Variants in HERC1 observed in about 807,000 individuals in gnomAD.
HERC1 encodes probable E3 ubiquitin-protein ligase HERC1.
HERC1 carries 160 observed loss-of-function variants against 554.3 expected under a neutral mutation model. The observed-to-expected ratio is 0.29, with a 90% CI of 0.25 to 0.33. The LOEUF (loss-of-function observed/expected upper bound fraction) is 0.33. HERC1 is among the 10% of genes least tolerant of loss of function. The pLI, the probability that HERC1 is intolerant of heterozygous loss-of-function variation, is 1.00. For missense variants in HERC1, 4,919 were observed against 5,918.5 expected, an observed-to-expected ratio of 0.83 and a Z score of 5.54; for synonymous variants, 2,175 against 2,131.7, an observed-to-expected ratio of 1.02 and a Z score of -0.56.
intron 1 of HERC1, among the ~76,000 whole-genome samples, chr15:63,816,326 C>A (rs1036842676): frequency 6.6e-6 from 1 of 152,146 alleles, no homozygotes; most frequent in African/African-American, 2.4e-5. Flanking sequence ...TGTCAAGGAG[C>A]CACATTGGGA....
In HERC1 at chr15:63,775,678, A is replaced by G; in HGVS notation, c.-26-29T>C. 1 of 1,340,332 alleles carries G rather than the reference A, an allele frequency of 7.5e-7. No individual in the cohort carries two copies. The highest frequency in any genetic ancestry group is 1.4e-5 in the South Asian group (1 of 71,596). The allele number at this position is 1,340,332 out of a possible 1,614,324, so 83.0% of individuals were successfully genotyped here. ...CAAAGGGAGAAGAGAAAACAGTCAA[A>G]AACATACAGAGGACTCATAAAATGT... On this transcript the variant is annotated intron_variant, in intron 1 of 77. Coordinates refer to ENST00000443617, the MANE Select transcript of HERC1 (RefSeq NM_003922.4). This position sits in a 1 kb window ranked among gnomAD's most constrained non-coding sequence, Gnocchi z 4.0.
Position 63,656,294 on chromosome 15 carries a change from C to T in HERC1, c.9664G>A (p.Val3222Ile). The change falls in exon 49 of 78, where the codon GTT becomes ATT. Residue 3222 changes from valine to isoleucine, a missense_variant. By Grantham distance (29) the Val-to-Ile change is conservative (BLOSUM62 3). Around this residue, in one of 11 missense-constraint regions of HERC1, gnomAD observed 1,963 missense variants for 2,228.6 expected, o/e 0.88. Coordinates refer to ENST00000443617, the MANE Select transcript of HERC1 (RefSeq NM_003922.4). ...GCTGCTGCCAAGCACATTAATCGAA[C>T]TAGCGTTCGGATATCTGTTAGCCCC... Reference protein sequence around the residue: ...SLGLTDIRTLVRLMCLAAAGR... With the variant: ...SLGLTDIRTLIRLMCLAAAGR... 1 of 1,613,986 alleles carries T rather than the reference C, an allele frequency of 6.2e-7. No homozygotes were observed.
chr15:63,693,825 G>C (rs2153049216), intron 30 of HERC1, 139 bp downstream of exon 30: 1 of 879,354 alleles, frequency 1.1e-6, no homozygotes, highest in Non-Finnish European at 1.7e-6. Context: ...TACGTGAAGA[G>C]AAAAGAGGTT....
intron 24 of HERC1, among the ~76,000 whole-genome samples, chr15:63,709,505 G>C (rs900139490): frequency 1.3e-5 from 2 of 152,070 alleles, no homozygotes; most frequent in African/African-American, 2.4e-5. Flanking sequence ...ACACAGTTGA[G>C]GCAAGTACAA....
At chr15:63,678,963 A>C (rs1416963529) in intron 36 of HERC1, among the ~76,000 whole-genome samples, 1 of 152,258 alleles carries the variant, frequency 6.6e-6, no homozygotes, top group Non-Finnish European at 1.5e-5. Context: ...ATTAAATGAG[A>C]TTATGCACAT....
Position 63,655,883 on chromosome 15 carries a change from T to C in HERC1, c.9943A>G (p.Ser3315Gly), listed in dbSNP as rs1167133712. 7 of 1,612,260 alleles carry C rather than the reference T, an allele frequency of 4.3e-6. No individual in the cohort carries two copies. Among genetic ancestry groups the C allele is most frequent in the Non-Finnish European group, 5.9e-6 (7 of 1,179,268 alleles). The change falls in exon 50 of 78, where the codon AGC becomes GGC. Residue 3315 changes from serine to glycine, a missense_variant. By Grantham distance (56) the Ser-to-Gly change is moderately conservative (BLOSUM62 0). Coordinates refer to ENST00000443617, the MANE Select transcript of HERC1 (RefSeq NM_003922.4). ...DDSIQRKFLP[S>G]FLRGIAEENK... ...TCTTCAGCAATTCCTCGGAGAAAGC[T>C]GGGTAGAAACTTTCGCTGAATTGAG...
intron 1 of HERC1, among the ~76,000 whole-genome samples, chr15:63,821,350 G>A (rs1211431533): frequency 2.0e-5 from 3 of 151,664 alleles, no homozygotes; most frequent in African/African-American, 7.3e-5. Context: ...GTCAGGAGAT[G>A]GAGACCATCC....
Position 63,635,877 on chromosome 15 carries a change from T to C in HERC1, c.12414+84A>G, listed in dbSNP as rs1206879159. 4 of 1,360,952 alleles carry C rather than the reference T, an allele frequency of 2.9e-6. No individual in the cohort carries two copies. In the Admixed American group the frequency reaches 8.0e-5, roughly 27 times the overall value. The allele number at this position is 1,360,952 out of a possible 1,614,324, so 84.3% of individuals were successfully genotyped here. Reference sequence around the variant, plus strand: ...TACTGTGTAATATATTTTTACTATATTTTCTGTTACCTAATTTTAAGAAAC... The same window carrying C: ...TACTGTGTAATATATTTTTACTATACTTTCTGTTACCTAATTTTAAGAAAC... On this transcript the variant is annotated intron_variant, in intron 65 of 77. Transcript: ENST00000443617.
rs912145502 is a variant in HERC1, at chr15:63,718,238, A to G, written c.3978+336T>C. On this transcript the variant is annotated intron_variant, in intron 21 of 77. Transcript: ENST00000443617. The surrounding 1 kb of genome is among the most constrained non-coding windows in gnomAD (Gnocchi z 4.2). Reference sequence around the variant, plus strand: ...CAAGGTATTGCTTAATGTCCCTCATAAATTATGGCACCCCAAATTAAACAG... The same window carrying G: ...CAAGGTATTGCTTAATGTCCCTCATGAATTATGGCACCCCAAATTAAACAG... 6.6e-6 allele frequency among the ~76,000 whole-genome samples: 1 copy of G among 152,128 alleles called. No homozygotes were observed. Among genetic ancestry groups the G allele is most frequent in the Non-Finnish European group, 1.5e-5 (1 of 68,020 alleles).
At chr15:63,663,913 G>A (rs2070482998) in intron 43 of HERC1, among the ~76,000 whole-genome samples, 1 of 152,212 alleles carries the variant, frequency 6.6e-6, no homozygotes, top group African/African-American at 2.4e-5. Flanking sequence ...GTATTTCAGT[G>A]ATCAAATTCT....
At chr15:63,664,431 G>C (rs772253180) in intron 43 of HERC1, 39 bp downstream of exon 43, 1 of 1,575,808 alleles carries the variant, frequency 6.3e-7, no homozygotes, top group Non-Finnish European at 8.7e-7. Flanking sequence ...TTCAAAATAA[G>C]ATCTTTCACA....
At chr15:63,800,479 G>A (rs1415199120) in intron 1 of HERC1, among the ~76,000 whole-genome samples, 1 of 152,092 alleles carries the variant, frequency 6.6e-6, no homozygotes, top group Admixed American at 6.5e-5. Context: ...TTAATGTTTA[G>A]TCACAAGATA....
Position 63,654,318 on chromosome 15 carries a change from A to G in HERC1, c.10091T>C (p.Leu3364Pro). 6.2e-7 allele frequency: 1 copy of G among 1,612,580 alleles called. No individual in the cohort carries two copies. Among genetic ancestry groups the G allele is most frequent in the Non-Finnish European group, 8.5e-7 (1 of 1,179,018 alleles). The part of the protein sequence containing the change: ...DKSEVEKKGP[L>P]ELANALAACC... ...GGCTGCCAGGGCATTAGCCAACTCC[A>G]GAGGGCCTACAGCAGAAGGATCATA... Residue 3364 changes from leucine to proline, a missense_variant, in exon 51 of 78, where the codon CTG (leucine) becomes CCG (proline). Around this residue, in one of 11 missense-constraint regions of HERC1, gnomAD observed 1,963 missense variants for 2,228.6 expected, o/e 0.88. Coordinates refer to ENST00000443617, the MANE Select transcript of HERC1 (RefSeq NM_003922.4).
At chr15:63,637,376 G>T in intron 64 of HERC1, 129 bp downstream of exon 64, 1 of 754,856 alleles carries the variant, frequency 1.3e-6, no homozygotes, top group Non-Finnish European at 2.1e-6. Flanking sequence ...GCCTAAATAA[G>T]GATTTAAATG....
chr15:63,679,975 T>G, intron 36 of HERC1, 102 bp downstream of exon 36: 1 of 763,038 alleles, frequency 1.3e-6, no homozygotes, highest in South Asian at 2.2e-5. Context: ...AGTCAAGTAC[T>G]TTTAATGGCA....
chr15:63,647,858 C>T (rs1429692981), intron 55 of HERC1, among the ~76,000 whole-genome samples: 1 of 152,116 alleles, frequency 6.6e-6, no homozygotes, highest in Non-Finnish European at 1.5e-5. Context: ...CGTGTACACA[C>T]GGGCCTAGAG....
Position 63,614,627 on chromosome 15 carries a change from C to A in HERC1, c.14094+1141G>T, listed in dbSNP as rs1230707770. On this transcript the variant is annotated intron_variant, in intron 76 of 77. Coordinates refer to ENST00000443617, the MANE Select transcript of HERC1 (RefSeq NM_003922.4). ...AAATCACTAAACTTCTATAGCTTCA[C>A]AGCCTGAGTCCAGCTCTTGAGAAGA... 2.0e-5 allele frequency among the ~76,000 whole-genome samples: 3 copies of A among 152,314 alleles called. No homozygotes were observed. The East Asian group carries it at 5.8e-4, about 29-fold the overall frequency.
chr15:63,774,909 C>A lies in HERC1; in HGVS notation c.715G>T (p.Ala239Ser). Reference sequence around the variant, plus strand: ...GCTAATCTACGACCTAAAGTGTCTGCCCCAGAATTAGGAATAGTGACTCCT... The same window carrying A: ...GCTAATCTACGACCTAAAGTGTCTGACCCAGAATTAGGAATAGTGACTCCT... ...LKGVTIPNSG[A>S]DTLGRRLASE... The change falls in exon 2 of 78, where the codon GCA becomes TCA. Residue 239 changes from alanine (A) to serine (S), a missense_variant. This residue lies in a region of HERC1 where 744 missense variants were observed against 1,090.0 expected (regional missense o/e 0.68). Coordinates refer to ENST00000443617, the MANE Select transcript of HERC1 (RefSeq NM_003922.4). 1 of 1,613,992 alleles carries A rather than the reference C, an allele frequency of 6.2e-7. No homozygotes were observed.
rs941059365 is a variant in HERC1, at chr15:63,747,768, A to G, written c.2310T>C (p.Asp770=). The change falls in exon 11 of 78, where the codon GAT becomes GAC. Residue 770 remains aspartate, a synonymous_variant. Coordinates refer to ENST00000443617, the MANE Select transcript of HERC1 (RefSeq NM_003922.4). ...GTGGGGGAATCTCACTGTTTATTTTATCACAGTATCTCTCAAGAAAAGAAC... is the reference window on the plus strand; with the variant it reads ...GTGGGGGAATCTCACTGTTTATTTTGTCACAGTATCTCTCAAGAAAAGAAC... ...HLRSFLERYC[D]KINSEIPPLP... The G allele has an allele frequency of 5.8e-6, 9 of 1,550,726 alleles. No individual in the cohort carries two copies. The African/African-American group carries it at 8.2e-5, about 14-fold the overall frequency.
Sources: allele counts gnomAD v4.1 joint callset (sites outside exome capture counted in the v4.1 genomes callset), GRCh38; gene constraint gnomAD v4.1.1; regional missense constraint gnomAD v4.1.1; non-coding constraint Gnocchi (gnomAD v3.1); transcripts MANE v1.5; gene names NCBI Gene and HGNC (gene_info 2026-07-23, HGNC 2026-07-21).